ZFPM2: variants seen among roughly 807,000 people sequenced by gnomAD.
ZFPM2 encodes zinc finger protein ZFPM2.
A neutral mutation model predicts 98.6 loss-of-function variants in ZFPM2; 20 were observed. That is an observed-to-expected ratio of 0.20 (90% CI 0.14 to 0.29). The LOEUF (loss-of-function observed/expected upper bound fraction) is 0.29, where lower values mean the gene tolerates loss of function less well. ZFPM2 is among the 10% of genes least tolerant of loss of function. ZFPM2 has a pLI of 1.00. For missense variants in ZFPM2, 1,310 were observed against 1,388.6 expected (o/e 0.94, Z 0.90); for synonymous variants, 518 against 502.7 (o/e 1.03, Z -0.41).
At chr8:105,663,424 A>C (rs984030201) in intron 5 of ZFPM2, among the ~76,000 whole-genome samples, 4 of 152,238 alleles carry the variant, frequency 2.6e-5, no homozygotes, top group African/African-American at 9.6e-5. Flanking sequence ...TGTTCATTCA[A>C]CAAATGTTTA....
At chr8:105,445,482 C>T (rs1029784850) in intron 3 of ZFPM2, among the ~76,000 whole-genome samples, 3 of 151,700 alleles carry the variant, frequency 2.0e-5, no homozygotes, top group Non-Finnish European at 4.4e-5. Flanking sequence ...GATGCTTCTT[C>T]TCAATGTGGG....
intron 4 of ZFPM2, among the ~76,000 whole-genome samples, chr8:105,581,945 T>C (rs1815610947): frequency 6.6e-6 from 1 of 152,218 alleles, no homozygotes; most frequent in Admixed American, 6.5e-5. Context: ...TCTGTTTAAC[T>C]CTGACACTCC....
At chr8:105,342,400 C>G (rs911117030) in intron 1 of ZFPM2, among the ~76,000 whole-genome samples, 4 of 151,932 alleles carry the variant, frequency 2.6e-5, no homozygotes, top group African/African-American at 7.2e-5. Context: ...CTTGAAGAAT[C>G]CTTCTCTTGA....
chr8:105,656,358 C>A (rs1234767668), intron 5 of ZFPM2, among the ~76,000 whole-genome samples: 1 of 152,166 alleles, frequency 6.6e-6, no homozygotes, highest in African/African-American at 2.4e-5. Flanking sequence ...CATTTCTGAT[C>A]ATTGAATCCT....
chr8:105,594,897 C>T (rs1563735295), intron 4 of ZFPM2, among the ~76,000 whole-genome samples: 1 of 152,002 alleles, frequency 6.6e-6, no homozygotes, highest in Non-Finnish European at 1.5e-5. Flanking sequence ...GAGCTCAGTC[C>T]AATGAGAGAA....
intron 5 of ZFPM2, among the ~76,000 whole-genome samples, chr8:105,761,242 C>G (rs918717651): frequency 6.6e-6 from 1 of 151,990 alleles, no homozygotes; most frequent in Non-Finnish European, 1.5e-5. Context: ...AAATCTACAC[C>G]TTTCTTTTAA....
At chr8:105,363,876 C>G (rs1810454056) in intron 1 of ZFPM2, among the ~76,000 whole-genome samples, 1 of 151,962 alleles carries the variant, frequency 6.6e-6, no homozygotes, top group Non-Finnish European at 1.5e-5. Context: ...TTTTTCCCTC[C>G]TTGAATTTTC....
chr8:105,330,565 T>TAC (rs1554594977), intron 1 of ZFPM2, among the ~76,000 whole-genome samples: 1 of 71,342 alleles, frequency 1.4e-5, no homozygotes, highest in Non-Finnish European at 2.9e-5. Flanking sequence ...TATATATATA[T>TAC]ATACATATAT....
At chr8:105,536,544 C>T (rs531906091) in intron 3 of ZFPM2, among the ~76,000 whole-genome samples, 2 of 151,738 alleles carry the variant, frequency 1.3e-5, no homozygotes, top group Admixed American at 1.3e-4. Flanking sequence ...TTATTTGCAC[C>T]GAGATAATGG....
chr8:105,515,588 TAAGA>T (rs1813902231), intron 3 of ZFPM2, among the ~76,000 whole-genome samples: 1 of 152,192 alleles, frequency 6.6e-6, no homozygotes, highest in Non-Finnish European at 1.5e-5. Context: ...GAAACCTTTG[TAAGA>T]AATAACAAAT....
At chr8:105,579,154 A>G (rs994219821) in intron 4 of ZFPM2, among the ~76,000 whole-genome samples, 32 of 150,836 alleles carry the variant, frequency 2.1e-4, no homozygotes, top group Admixed American at 5.3e-4. Context: ...TTTTTGTCAA[A>G]TTCTTGTAGT....
At chr8:105,467,580 A>G (rs1412743674) in intron 3 of ZFPM2, among the ~76,000 whole-genome samples, 1 of 152,074 alleles carries the variant, frequency 6.6e-6, no homozygotes, top group Non-Finnish European at 1.5e-5. Context: ...GACCTCAGAG[A>G]GCCTGCACTT....
At chr8:105,795,247 TGTG>T in intron 6 of ZFPM2, among the ~76,000 whole-genome samples, 2 of 29,298 alleles carry the variant, frequency 6.8e-5, no homozygotes, top group Middle Eastern at 0.011. Flanking sequence ...ATTTTATCTT[TGTG>T]TGTGTGTGTG....
At chr8:105,690,194 C>G (rs1281187963) in intron 5 of ZFPM2, among the ~76,000 whole-genome samples, 1 of 152,202 alleles carries the variant, frequency 6.6e-6, no homozygotes, top group Non-Finnish European at 1.5e-5. Flanking sequence ...CTGAATAAGG[C>G]AGTTATCTCT....
intron 5 of ZFPM2, among the ~76,000 whole-genome samples, chr8:105,634,920 T>C (rs1311548291): frequency 1.3e-5 from 2 of 152,164 alleles, no homozygotes; most frequent in Admixed American, 1.3e-4. Context: ...TTTGATTTGC[T>C]CAGTGTGACA....
chr8:105,728,364 T>C (rs934927005), intron 5 of ZFPM2, among the ~76,000 whole-genome samples: 1 of 151,772 alleles, frequency 6.6e-6, no homozygotes, highest in Non-Finnish European at 1.5e-5. Context: ...ATTTATGCTA[T>C]GTACTTGTCG....
intron 1 of ZFPM2, among the ~76,000 whole-genome samples, chr8:105,393,381 T>TTCTTTC (rs1554600715): frequency 7.7e-6 from 1 of 130,678 alleles, no homozygotes; most frequent in African/African-American, 2.9e-5. Flanking sequence ...TTTCTTTCTT[T>TTCTTTC]CTTTCTTTCT....
chr8:105,542,554 A>G (rs1044757778), intron 3 of ZFPM2, among the ~76,000 whole-genome samples: 6 of 152,130 alleles, frequency 3.9e-5, no homozygotes, highest in Admixed American at 3.3e-4. Context: ...TGAGTTCCCT[A>G]TCCACAACCA....
At chr8:105,593,557 T>A (rs1815896096) in intron 4 of ZFPM2, among the ~76,000 whole-genome samples, 1 of 151,978 alleles carries the variant, frequency 6.6e-6, no homozygotes, top group Non-Finnish European at 1.5e-5. Flanking sequence ...CTGTCCCCAA[T>A]TTCTAATGTT....
Sources: allele counts gnomAD v4.1 joint callset (sites outside exome capture counted in the v4.1 genomes callset), GRCh38; gene constraint gnomAD v4.1.1; transcripts MANE v1.5; gene names NCBI Gene and HGNC (gene_info 2026-07-23, HGNC 2026-07-21).